MYO16: variants seen among roughly 807,000 people sequenced by gnomAD.
MYO16 encodes the protein myosin XVI, also known as unconventional myosin-XVI.
Under a neutral mutation model 205.3 loss-of-function variants are expected in MYO16, and 94 were observed. The ratio of observed to expected loss-of-function variants is 0.46; its 90% CI spans 0.39 to 0.54. MYO16 has a LOEUF of 0.54. Among genes scored for constraint, MYO16 ranks in the 20% least tolerant of loss-of-function variants. MYO16 has a pLI of 0.00. For missense variants in MYO16, 2,315 were observed against 2,387.5 expected, an observed-to-expected ratio of 0.97 and a Z score of 0.63; for synonymous variants, 988 against 954.0, an observed-to-expected ratio of 1.04 and a Z score of -0.66.
intron 21 of MYO16, among the ~76,000 whole-genome samples, chr13:109,003,873 C>T (rs1293635816): frequency 6.6e-6 from 1 of 152,118 alleles, no homozygotes; most frequent in East Asian, 1.9e-4. Flanking sequence ...AGAGCTGCAA[C>T]CTATTCTGAA....
chr13:109,090,925 A>G (rs2139689740), intron 27 of MYO16, among the ~76,000 whole-genome samples: 1 of 151,966 alleles, frequency 6.6e-6, no homozygotes, highest in East Asian at 1.9e-4. Flanking sequence ...TCTCAAGCCC[A>G]CTTGTGCTCC....
At chr13:108,590,095 G>A in the MYO16 span, among the ~76,000 whole-genome samples, 1 of 152,164 alleles carries the variant, frequency 6.6e-6, no homozygotes, top group African/African-American at 2.4e-5. Context: ...TCACCTCAAT[G>A]AGAAGAAACT....
At chr13:108,624,795 G>A (rs949034231), upstream of MYO16, among the ~76,000 whole-genome samples, 2 of 148,510 alleles carry the variant, frequency 1.3e-5, no homozygotes, top group Admixed American at 6.6e-5. Flanking sequence ...GTGTGTGTGT[G>A]TGTGTGTGTG....
At chr13:108,999,355 T>C (rs2139456820) in intron 21 of MYO16, among the ~76,000 whole-genome samples, 1 of 152,366 alleles carries the variant, frequency 6.6e-6, no homozygotes, top group Admixed American at 6.5e-5. Flanking sequence ...TGTTGAACTT[T>C]CCAAAATCAT....
intron 23 of MYO16, among the ~76,000 whole-genome samples, chr13:109,040,617 G>A (rs1222678486): frequency 6.6e-6 from 1 of 151,966 alleles, no homozygotes; most frequent in East Asian, 1.9e-4. Context: ...AAAAATACAT[G>A]ATTATATCAC....
intron 7 of MYO16, among the ~76,000 whole-genome samples, chr13:108,811,838 TC>T (rs1421636150): frequency 6.6e-5 from 10 of 152,020 alleles, no homozygotes; most frequent in Non-Finnish European, 1.2e-4. Flanking sequence ...TTTATCCCCC[TC>T]CCCCACTCTT....
At chr13:108,501,989 G>A in the MYO16 span, among the ~76,000 whole-genome samples, 10 of 152,234 alleles carry the variant, frequency 6.6e-5, no homozygotes, top group South Asian at 1.7e-3. Flanking sequence ...CGAGGCGGGC[G>A]GATCACGAGG....
At chr13:108,896,323 A>T (rs1381714797) in intron 14 of MYO16, among the ~76,000 whole-genome samples, 2 of 152,126 alleles carry the variant, frequency 1.3e-5, no homozygotes, top group Non-Finnish European at 2.9e-5. Flanking sequence ...TACATATTTC[A>T]TATTAGATTA....
At chr13:108,666,693 C>T (rs1881748045) in intron 2 of MYO16, among the ~76,000 whole-genome samples, 1 of 152,194 alleles carries the variant, frequency 6.6e-6, no homozygotes, top group Admixed American at 6.5e-5. Context: ...TCACTTTCCC[C>T]GACTCTCAGG....
chr13:108,712,801 C>A, intron 3 of MYO16, 70 bp downstream of exon 3: 2 of 1,222,410 alleles, frequency 1.6e-6, no homozygotes, highest in Non-Finnish European at 2.3e-6. Context: ...GGTTCAAACC[C>A]AGGAACGAAA....
chr13:108,632,705 A>C (rs1880041876), intron 1 of MYO16, among the ~76,000 whole-genome samples: 1 of 152,174 alleles, frequency 6.6e-6, no homozygotes, highest in Admixed American at 6.5e-5. Context: ...ACACCACAGC[A>C]AAAAGTGTGG....
chr13:108,826,128 G>GA (rs1296690865), intron 9 of MYO16, among the ~76,000 whole-genome samples: 5 of 151,944 alleles, frequency 3.3e-5, no homozygotes, highest in Non-Finnish European at 7.4e-5. Context: ...ATAATTATGT[G>GA]AAAAAAGAAC....
At chr13:108,764,467 A>G (rs1566593587) in intron 4 of MYO16, among the ~76,000 whole-genome samples, 1 of 152,172 alleles carries the variant, frequency 6.6e-6, no homozygotes, top group African/African-American at 2.4e-5. Context: ...CTGCTATTGA[A>G]GAATAATTAA....
In MYO16 at chr13:108,770,086, C is replaced by T. The variant is rs1051664958; in HGVS notation, c.508-15549C>T. 6.6e-5 allele frequency among the ~76,000 whole-genome samples: 10 copies of T among 151,866 alleles called. No individual in the cohort carries two copies. The East Asian group carries it at 7.7e-4, about 12-fold the overall frequency. On this transcript the variant is annotated intron_variant, in intron 4 of 34. Transcript: ENST00000457511. Reference sequence around the variant, plus strand: ...GTAATTTAGGTACTGCCTAGTGACACGGGAAAGAAAATTTTGATGATAAAC... The same window carrying T: ...GTAATTTAGGTACTGCCTAGTGACATGGGAAAGAAAATTTTGATGATAAAC...
At chr13:109,051,071 C>T (rs74941063) in intron 24 of MYO16, among the ~76,000 whole-genome samples, 5,066 of 152,182 alleles carry the variant, frequency 0.033, 129 homozygotes, top group South Asian at 0.057. Flanking sequence ...CTTTTGGAAT[C>T]TGAACATTTA....
At chr13:108,738,054 A>G (rs1268315153) in intron 4 of MYO16, among the ~76,000 whole-genome samples, 1 of 152,072 alleles carries the variant, frequency 6.6e-6, no homozygotes, top group African/African-American at 2.4e-5. Flanking sequence ...CTAGTGGTCT[A>G]TCAATTTTGT....
chr13:108,709,903 T>C (rs1374853050), intron 2 of MYO16, among the ~76,000 whole-genome samples: 1 of 134,572 alleles, frequency 7.4e-6, no homozygotes, highest in Admixed American at 7.6e-5. Context: ...ATCTTGATCA[T>C]GCAAACAGCC....
chr13:108,808,557 C>A (rs964401164), intron 7 of MYO16, among the ~76,000 whole-genome samples: 7 of 151,970 alleles, frequency 4.6e-5, no homozygotes, highest in Non-Finnish European at 7.4e-5. Flanking sequence ...AGGTGATCCA[C>A]CTGCCTCACC....
chr13:108,729,247 A>G (rs1884442205), intron 4 of MYO16, among the ~76,000 whole-genome samples: 1 of 152,082 alleles, frequency 6.6e-6, no homozygotes, highest in Admixed American at 6.6e-5. Context: ...GAATTTCTCC[A>G]GAATTGAAAA....
Sources: gnomAD v4.1 joint callset for allele counts (sites outside exome capture counted in the v4.1 genomes callset) on GRCh38, gnomAD v4.1.1 for gene constraint, MANE v1.5 for transcripts, NCBI Gene and HGNC (gene_info 2026-07-23, HGNC 2026-07-21) for gene names.